The following CCDC192 variants were observed in gnomAD, a reference collection of about 807,000 sequenced individuals.
The protein encoded by CCDC192 is coiled-coil domain-containing protein 192.
intron 3 of CCDC192, among the ~76,000 whole-genome samples, chr5:127,775,505 T>C (rs1226335556): frequency 6.6e-6 from 1 of 152,204 alleles, no homozygotes. Flanking sequence ...CCCTGTGGTG[T>C]AGCATGCTAC....
chr5:127,886,205 G>A (rs1752554252), intron 6 of CCDC192, among the ~76,000 whole-genome samples: 1 of 152,064 alleles, frequency 6.6e-6, no homozygotes, highest in Non-Finnish European at 1.5e-5. Flanking sequence ...TCTGAATCTG[G>A]GCACACCAAT....
At chr5:127,789,499 C>A (rs11950864) in intron 3 of CCDC192, among the ~76,000 whole-genome samples, 42,532 of 152,090 alleles carry the variant, frequency 0.28, 6,731 homozygotes, top group South Asian at 0.43. Flanking sequence ...TAGTGTTTTG[C>A]AGAAGATAGA....
At chr5:127,713,159 A>G (rs1212918403) in intron 2 of CCDC192, among the ~76,000 whole-genome samples, 1 of 152,054 alleles carries the variant, frequency 6.6e-6, no homozygotes, top group Non-Finnish European at 1.5e-5. Flanking sequence ...ACTTGAACCC[A>G]GGAGGCAGAG....
intron 3 of CCDC192, among the ~76,000 whole-genome samples, chr5:127,764,638 G>C (rs1055657061): frequency 6.6e-6 from 1 of 151,890 alleles, no homozygotes; most frequent in African/African-American, 2.4e-5. Flanking sequence ...TTTAACTCTG[G>C]GGTGTCTAAT....
intron 5 of CCDC192, among the ~76,000 whole-genome samples, chr5:127,843,073 T>C (rs245197): frequency 0.66 from 92,435 of 139,642 alleles, 30,849 homozygotes; most frequent in Non-Finnish European, 0.7. Context: ...CTTGCTCAGT[T>C]GCCCAGGCTG....
At chr5:127,923,468 C>G (rs998836716) in intron 6 of CCDC192, among the ~76,000 whole-genome samples, 1 of 151,810 alleles carries the variant, frequency 6.6e-6, no homozygotes, top group Non-Finnish European at 1.5e-5. Context: ...AGCTCCGCCT[C>G]CCGGATTCAC....
intron 5 of CCDC192, among the ~76,000 whole-genome samples, chr5:127,811,694 C>T (rs1456021750): frequency 3.3e-5 from 5 of 152,046 alleles, no homozygotes; most frequent in South Asian, 2.1e-4. Flanking sequence ...CTTTTACTCC[C>T]CAGTGATAAG....
intron 5 of CCDC192, among the ~76,000 whole-genome samples, chr5:127,872,454 A>G (rs940712469): frequency 4.6e-5 from 7 of 152,132 alleles, no homozygotes; most frequent in African/African-American, 1.7e-4. Context: ...TGAGATGTCC[A>G]TTTACTCATG....
intron 6 of CCDC192, among the ~76,000 whole-genome samples, chr5:127,898,105 T>C (rs1010392307): frequency 6.6e-6 from 1 of 151,898 alleles, no homozygotes; most frequent in African/African-American, 2.4e-5. Flanking sequence ...GACCTTAATA[T>C]GGTCCAGTTT....
At chr5:127,714,733 T>C (rs1314324556) in intron 2 of CCDC192, among the ~76,000 whole-genome samples, 1 of 152,194 alleles carries the variant, frequency 6.6e-6, no homozygotes, top group Non-Finnish European at 1.5e-5. Flanking sequence ...TGTACTAATT[T>C]ACATTCTCAC....
intron 6 of CCDC192, among the ~76,000 whole-genome samples, chr5:127,900,479 G>A (rs1753008406): frequency 6.6e-6 from 1 of 152,166 alleles, no homozygotes; most frequent in Non-Finnish European, 1.5e-5. Flanking sequence ...TGTGGTCTTG[G>A]GAAATACGAT....
At chr5:127,806,573 C>T (rs1442732099) in intron 5 of CCDC192, among the ~76,000 whole-genome samples, 2 of 152,136 alleles carry the variant, frequency 1.3e-5, no homozygotes, top group Admixed American at 1.3e-4. Flanking sequence ...AGACTTCTCA[C>T]ATCAACATTC....
Position 127,844,460 on chromosome 5 carries a change from T to C in CCDC192, c.412-31078T>C, listed in dbSNP as rs372184711. ...ATCACAATAACAGAGCTGAGTAGAA[T>C]AGAGCCCGAGTTCTAGACAGATTCA... On this transcript the variant is annotated intron_variant, in intron 5 of 6. Coordinates refer to ENST00000514853, the MANE Select transcript of CCDC192 (RefSeq NM_001317938.2). Among the ~76,000 whole-genome samples, 19 of 152,206 alleles carry C rather than the reference T, an allele frequency of 1.2e-4. No homozygotes were observed. The East Asian group carries it at 1.3e-3, about 11-fold the overall frequency.
At chr5:127,884,342 CAAAAAAAAAAA>C (rs778430655) in intron 6 of CCDC192, among the ~76,000 whole-genome samples, 9 of 11,852 alleles carry the variant, frequency 7.6e-4, no homozygotes, top group South Asian at 6.2e-3. Flanking sequence ...GACTCCGTCT[CAAAAAAAAAAA>C]AAAAAAAAAA....
At chr5:127,936,908 C>T (rs1754201821) in intron 6 of CCDC192, among the ~76,000 whole-genome samples, 1 of 152,152 alleles carries the variant, frequency 6.6e-6, no homozygotes, top group South Asian at 2.1e-4. Flanking sequence ...GGACACACAT[C>T]ACTTCCTGTT....
At chr5:127,709,038 C>A (rs1460266736) in intron 2 of CCDC192, among the ~76,000 whole-genome samples, 2 of 150,480 alleles carry the variant, frequency 1.3e-5, no homozygotes, top group Non-Finnish European at 3.0e-5. Flanking sequence ...ACTGGGGAGG[C>A]CTTAGGAAGG....
chr5:127,802,071 A>G (rs1214614342), intron 5 of CCDC192, among the ~76,000 whole-genome samples: 1 of 152,174 alleles, frequency 6.6e-6, no homozygotes, highest in East Asian at 1.9e-4. Context: ...GGAACTCAAA[A>G]TAGGGAGAGA....
At chr5:127,889,765 G>A (rs1752678896) in intron 6 of CCDC192, among the ~76,000 whole-genome samples, 1 of 152,116 alleles carries the variant, frequency 6.6e-6, no homozygotes, top group African/African-American at 2.4e-5. Flanking sequence ...CCAGCACCTG[G>A]CCCCTGTATT....
At chr5:127,860,178 CCCA>C (rs1751295835) in intron 5 of CCDC192, among the ~76,000 whole-genome samples, 1 of 152,114 alleles carries the variant, frequency 6.6e-6, no homozygotes, top group African/African-American at 2.4e-5. Context: ...ATCTATTTCC[CCCA>C]CAAGACAAAA....
Sources: gnomAD v4.1 joint callset for allele counts (sites outside exome capture counted in the v4.1 genomes callset) on GRCh38, gnomAD v4.1.1 for gene constraint, MANE v1.5 for transcripts, NCBI Gene and HGNC (gene_info 2026-07-23, HGNC 2026-07-21) for gene names.